SPTAN1: variants seen among roughly 807,000 people sequenced by gnomAD.
SPTAN1 encodes spectrin alpha chain, non-erythrocytic 1.
Under a neutral mutation model 331.3 loss-of-function variants are expected in SPTAN1, and 61 were observed. The observed-to-expected ratio is 0.18, with a 90% CI of 0.15 to 0.23. The LOEUF is 0.23. Among genes scored for constraint, SPTAN1 ranks in the 10% least tolerant of loss-of-function variants. The pLI, the probability that SPTAN1 is intolerant of heterozygous loss-of-function variation, is 1.00. For missense variants in SPTAN1, 2,043 were observed against 3,147.9 expected (o/e 0.65, Z 8.40); for synonymous variants, 1,153 against 1,173.9 (o/e 0.98, Z 0.36).
chr9:128,600,407 C>T (rs564289926), intron 27 of SPTAN1, among the ~76,000 whole-genome samples: 5 of 152,260 alleles, frequency 3.3e-5, no homozygotes, highest in Admixed American at 1.3e-4. Context: ...CAGTAAGAGG[C>T]GGTCCAAAGG....
intron 23 of SPTAN1, 60 bp downstream of exon 23, chr9:128,593,102 C>G: frequency 1.3e-6 from 2 of 1,536,662 alleles, no homozygotes; most frequent in Non-Finnish European, 1.8e-6. Flanking sequence ...TCCATTCTCC[C>G]TCTGCCGCTT....
chr9:128,626,062 C>G, intron 48 of SPTAN1, 84 bp downstream of exon 48: 1 of 1,522,610 alleles, frequency 6.6e-7, no homozygotes, highest in South Asian at 1.1e-5. Flanking sequence ...TCTGCCACTC[C>G]CCCTTGAGGA....
chr9:128,561,033 A>AAG (rs1554731279), intron 1 of SPTAN1, among the ~76,000 whole-genome samples: 2,578 of 148,570 alleles, frequency 0.017, 91 homozygotes, highest in African/African-American at 0.062. Context: ...AAAAAAAAAA[A>AAG]AAGAAGTGAA....
chr9:128,580,245 C>T (rs1465465430), intron 10 of SPTAN1, among the ~76,000 whole-genome samples: 1 of 151,370 alleles, frequency 6.6e-6, no homozygotes, highest in Non-Finnish European at 1.5e-5. Flanking sequence ...TGCACCACTG[C>T]ACTCTGGCTT....
chr9:128,619,086 G>C, intron 44 of SPTAN1, 83 bp downstream of exon 44: 1 of 1,597,104 alleles, frequency 6.3e-7, no homozygotes, highest in Admixed American at 1.7e-5. Flanking sequence ...GTTTGTTAGA[G>C]GGCCCTGCTC....
intron 32 of SPTAN1, 50 bp from the exon 33 acceptor site, chr9:128,607,801 CA>C (rs746914596): frequency 6.2e-7 from 1 of 1,611,900 alleles, no homozygotes; most frequent in Non-Finnish European, 8.5e-7. Context: ...TGGTTGACGT[CA>C]GAGTGGGCAT....
At chr9:128,599,122 G>GA in intron 26 of SPTAN1, 136 bp downstream of exon 26, 1 of 892,614 alleles carries the variant, frequency 1.1e-6, no homozygotes, top group African/African-American at 1.6e-5. Context: ...AAGATTTGTG[G>GA]AAAACTCCAA....
intron 1 of SPTAN1, among the ~76,000 whole-genome samples, chr9:128,561,060 C>A (rs1172235463): frequency 7.5e-5 from 10 of 132,856 alleles, no homozygotes. Context: ...TAATAAATAA[C>A]CAAACAGCCA....
chr9:128,612,995 C>G (rs1248191373), intron 39 of SPTAN1, among the ~76,000 whole-genome samples: 1 of 151,826 alleles, frequency 6.6e-6, no homozygotes, highest in Non-Finnish European at 1.5e-5. Flanking sequence ...TGTAACCATT[C>G]CCATATTGTT....
At chr9:128,584,662 A>G in intron 17 of SPTAN1, 59 bp from the exon 18 acceptor site, 1 of 1,614,148 alleles carries the variant, frequency 6.2e-7, no homozygotes, top group African/African-American at 1.3e-5. Flanking sequence ...AAGAATGACA[A>G]ATCAGTGCTG....
intron 28 of SPTAN1, 48 bp downstream of exon 28, chr9:128,603,638 T>C: frequency 6.2e-7 from 1 of 1,604,208 alleles, no homozygotes; most frequent in Non-Finnish European, 8.5e-7. Context: ...TTTTCTCCAC[T>C]ATCTTCCTTC....
At chr9:128,603,403 GTC>G (rs1208463193) in intron 27 of SPTAN1, 138 bp from the exon 28 acceptor site, 2 of 878,580 alleles carry the variant, frequency 2.3e-6, no homozygotes, top group South Asian at 1.3e-5. Context: ...TTGTACTGAT[GTC>G]TCTGTTAAGA....
intron 20 of SPTAN1, 70 bp downstream of exon 20, chr9:128,587,768 TC>T: frequency 6.9e-6 from 9 of 1,308,264 alleles, no homozygotes; most frequent in Non-Finnish European, 9.9e-6. Context: ...CAGCAGGTGT[TC>T]CTATCATAGG....
chr9:128,611,678 G>GA, intron 37 of SPTAN1, 36 bp from the exon 38 acceptor site: 1 of 1,612,004 alleles, frequency 6.2e-7, no homozygotes, highest in Non-Finnish European at 8.5e-7. Flanking sequence ...AACCTAGCAG[G>GA]AACTGGTTTG....
chr9:128,556,487 A>T (rs561215397), intron 1 of SPTAN1, among the ~76,000 whole-genome samples: 4 of 152,354 alleles, frequency 2.6e-5, no homozygotes, highest in African/African-American at 9.6e-5. Context: ...AGTAACAATA[A>T]GGAACTTAAA....
Position 128,591,696 on chromosome 9 carries a change from C to G in SPTAN1, c.3155+71C>G. The G allele has an allele frequency of 6.3e-6, 10 of 1,599,156 alleles. 1 individual carries two copies. The South Asian group carries it at 1.1e-4, about 18-fold the overall frequency. On this transcript the variant is annotated intron_variant, in intron 22 of 56. Transcript: ENST00000372739. ...ATACTCTGTTCCACATGGGCCGAAG[C>G]TTAGGCGTGTCCTGAGGCTCCTGGA...
At chr9:128,558,289 G>A (rs1465873780) in intron 1 of SPTAN1, among the ~76,000 whole-genome samples, 2 of 152,198 alleles carry the variant, frequency 1.3e-5, no homozygotes, top group African/African-American at 2.4e-5. Context: ...TGCAGCTAAC[G>A]TTTGACTGCT....
At chr9:128,573,324 GC>G (rs1406762022) in intron 3 of SPTAN1, among the ~76,000 whole-genome samples, 5 of 152,246 alleles carry the variant, frequency 3.3e-5, no homozygotes, top group Non-Finnish European at 5.9e-5. Flanking sequence ...CCCTGTGGCT[GC>G]CACTTGGGTG....
Position 128,627,662 on chromosome 9 carries a change from G to A in SPTAN1, c.6689+164G>A, listed in dbSNP as rs112771695. On this transcript the variant is annotated intron_variant, in intron 50 of 56. Coordinates refer to ENST00000372739, the MANE Select transcript of SPTAN1 (RefSeq NM_001130438.3). This position sits in a 1 kb window ranked among gnomAD's most constrained non-coding sequence, Gnocchi z 4.9. ...CTGGTCGGGCTCTGGAGCCGGGAGT[G>A]GGGGCATAGGTGGAGCAGCCTCTCA... 8.3e-3 allele frequency: 6,653 copies of A among 803,772 alleles called. 41 individuals are homozygous for A. Among genetic ancestry groups the A allele is most frequent in the Non-Finnish European group, 0.011 (5,055 of 474,346 alleles). 49.8% of individuals were successfully genotyped at this position (803,772 alleles called of 1,614,324 possible). A position where few individuals can be genotyped will look rare whatever the true frequency, so the allele number is the denominator to read the frequency against.
Sources: gnomAD v4.1 joint callset for allele counts (sites outside exome capture counted in the v4.1 genomes callset) on GRCh38, gnomAD v4.1.1 for gene constraint, Gnocchi (gnomAD v3.1) non-coding constraint, MANE v1.5 for transcripts, NCBI Gene and HGNC (gene_info 2026-07-23, HGNC 2026-07-21) for gene names.